ASTN2: variants seen among roughly 807,000 people sequenced by gnomAD.
ASTN2 encodes the protein astrotactin 2, also known as astrotactin-2.
Under a neutral mutation model 139.8 loss-of-function variants are expected in ASTN2, and 54 were observed. The ratio of observed to expected loss-of-function variants is 0.39; its 90% confidence interval spans 0.31 to 0.48. The LOEUF (loss-of-function observed/expected upper bound fraction) is 0.48. ASTN2 is among the 20% of genes least tolerant of loss of function. The pLI is 0.95. For synonymous variants in ASTN2, 756 were observed against 719.5 expected (o/e 1.05, Z -0.81); for missense variants, 1,565 against 1,725.1 (o/e 0.91, Z 1.64).
At chr9:116,725,710 C>T (rs1828601198) in intron 16 of ASTN2, 61 bp downstream of exon 16, 2 of 1,551,728 alleles carry the variant, frequency 1.3e-6, no homozygotes, top group Non-Finnish European at 1.7e-6. Context: ...AGTTGTCTCC[C>T]CAGACCCCTT....
At chr9:117,313,502 C>A (rs931193384) in intron 1 of ASTN2, among the ~76,000 whole-genome samples, 3 of 152,066 alleles carry the variant, frequency 2.0e-5, no homozygotes, top group African/African-American at 7.2e-5. Flanking sequence ...CTTAATGATG[C>A]CTTAAGAAGC....
chr9:117,065,387 T>C (rs1036607121), intron 5 of ASTN2, among the ~76,000 whole-genome samples: 1 of 152,170 alleles, frequency 6.6e-6, no homozygotes, highest in Non-Finnish European at 1.5e-5. Flanking sequence ...CTTACCTTTT[T>C]TTCGAGACTC....
chr9:117,099,876 G>A (rs369182459), intron 4 of ASTN2, among the ~76,000 whole-genome samples: 3 of 152,158 alleles, frequency 2.0e-5, no homozygotes, highest in Admixed American at 6.5e-5. Context: ...ATGAATAACT[G>A]TCTCAGAGAG....
intron 2 of ASTN2, among the ~76,000 whole-genome samples, chr9:117,244,605 G>A (rs1053737396): frequency 2.0e-5 from 1 of 50,102 alleles, no homozygotes; most frequent in Non-Finnish European, 5.4e-5. Context: ...GAGGGAGGGA[G>A]GAGAGGGAGG....
chr9:117,121,591 A>G (rs1413079346), intron 4 of ASTN2, among the ~76,000 whole-genome samples: 1 of 152,238 alleles, frequency 6.6e-6, no homozygotes, highest in African/African-American at 2.4e-5. Flanking sequence ...AAGGTGCTGC[A>G]GCAGTTAGGC....
rs771344543 is a variant in ASTN2 at position 116,621,718 on chromosome 9, C to A, written c.3073-1275G>T. 2.6e-5 allele frequency among the ~76,000 whole-genome samples: 4 copies of A among 152,176 alleles called. No homozygotes were observed. In the South Asian group the frequency reaches 8.3e-4, roughly 32 times the overall value. On this transcript the variant is annotated intron_variant, in intron 17 of 22. Coordinates refer to ENST00000313400, the MANE Select transcript of ASTN2 (RefSeq NM_001365068.1). ...ACATGAATATTCCTGTGGGACCTAG[C>A]ACAGTTATTCAGTCAACAGTTTGTA...
intron 16 of ASTN2, among the ~76,000 whole-genome samples, chr9:116,709,877 C>T (rs923825165): frequency 6.6e-6 from 1 of 152,146 alleles, no homozygotes; most frequent in Non-Finnish European, 1.5e-5. Context: ...CTGCAGGCCT[C>T]ATAGAAAGCC....
intron 13 of ASTN2, among the ~76,000 whole-genome samples, chr9:116,801,728 A>G (rs954520231): frequency 6.6e-6 from 1 of 152,014 alleles, no homozygotes; most frequent in East Asian, 1.9e-4. Flanking sequence ...TGGTTCCAAG[A>G]GGATACATGG....
At chr9:117,046,452 G>A (rs1441823441) in intron 5 of ASTN2, among the ~76,000 whole-genome samples, 1 of 152,178 alleles carries the variant, frequency 6.6e-6, no homozygotes, top group African/African-American at 2.4e-5. Context: ...GAAGCTGTGT[G>A]TTTTAAATAG....
intron 1 of ASTN2, among the ~76,000 whole-genome samples, chr9:117,409,672 G>A (rs1831107068): frequency 6.6e-6 from 1 of 152,150 alleles, no homozygotes; most frequent in East Asian, 1.9e-4. Flanking sequence ...GTCTCCCCCT[G>A]CCACACAGGC....
intron 10 of ASTN2, among the ~76,000 whole-genome samples, chr9:116,900,042 C>G (rs114636718): frequency 0.028 from 4,334 of 152,272 alleles, 224 homozygotes; most frequent in African/African-American, 0.099. Flanking sequence ...GCTCGTCAAA[C>G]TATCTTTAAA....
intron 16 of ASTN2, among the ~76,000 whole-genome samples, chr9:116,721,436 T>G (rs1003306280): frequency 1.3e-5 from 2 of 152,032 alleles, no homozygotes; most frequent in Admixed American, 1.3e-4. Context: ...AAGGGTGAAA[T>G]GGAGCCCCAG....
At chr9:117,408,995 G>C (rs1831086016) in intron 1 of ASTN2, among the ~76,000 whole-genome samples, 1 of 152,160 alleles carries the variant, frequency 6.6e-6, no homozygotes, top group Non-Finnish European at 1.5e-5. Flanking sequence ...CAAGACCCTT[G>C]TTTATAATGT....
At chr9:117,179,566 T>C (rs371383442) in intron 3 of ASTN2, among the ~76,000 whole-genome samples, 1 of 152,298 alleles carries the variant, frequency 6.6e-6, no homozygotes. Context: ...AAGTCTCTCT[T>C]CTTCCTCTTC....
chr9:116,902,185 G>T (rs1834028712), intron 10 of ASTN2, among the ~76,000 whole-genome samples: 1 of 152,172 alleles, frequency 6.6e-6, no homozygotes, highest in Non-Finnish European at 1.5e-5. Flanking sequence ...TACTGCCCCA[G>T]AAGACTTTCC....
At chr9:116,789,552 C>G (rs1830475998) in intron 13 of ASTN2, among the ~76,000 whole-genome samples, 1 of 152,190 alleles carries the variant, frequency 6.6e-6, no homozygotes, top group South Asian at 2.1e-4. Context: ...TTGGAGCTTT[C>G]TGTATAAATT....
chr9:116,425,689 A>T lies in ASTN2; in HGVS notation c.*162T>A. ...CCATTGGTTACAAAGGTCTCTGTCC[A>T]CTATCCACAGGAGAAACCGTTTGCT... On this transcript the variant is annotated 3_prime_UTR_variant, in exon 23 of 23. Coordinates refer to ENST00000313400, the MANE Select transcript of ASTN2 (RefSeq NM_001365068.1). 6.2e-7 allele frequency: 1 copy of T among 1,608,818 alleles called. No individual in the cohort carries two copies. The highest frequency in any genetic ancestry group is 1.1e-5 in the South Asian group (1 of 90,086).
chr9:116,558,785 G>A (rs1211362915), intron 19 of ASTN2, among the ~76,000 whole-genome samples: 1 of 152,178 alleles, frequency 6.6e-6, no homozygotes, highest in African/African-American at 2.4e-5. Context: ...GCCAGGGCTT[G>A]AGTTTGTCTG....
At chr9:116,826,494 C>T (rs1359222559) in intron 11 of ASTN2, among the ~76,000 whole-genome samples, 1 of 152,186 alleles carries the variant, frequency 6.6e-6, no homozygotes, top group Non-Finnish European at 1.5e-5. Flanking sequence ...ACAATACCCA[C>T]CACCCTGCTA....
Sources: gnomAD v4.1 joint callset for allele counts (sites outside exome capture counted in the v4.1 genomes callset) on GRCh38, gnomAD v4.1.1 for gene constraint, MANE v1.5 for transcripts, NCBI Gene and HGNC (gene_info 2026-07-23, HGNC 2026-07-21) for gene names.